Variants in FAM83E observed in about 807,000 individuals in gnomAD.
FAM83E encodes the protein protein FAM83E.
In FAM83E, 29 loss-of-function variants were observed where a neutral mutation model predicts 34.3. The observed-to-expected ratio is 0.85, with a 90% CI of 0.63 to 1.15. FAM83E has a LOEUF of 1.15. Among genes scored for constraint, FAM83E ranks in the 50% most tolerant of loss-of-function variants. The probability of loss-of-function intolerance (pLI) is 0.00; values close to 1 mark genes in which losing one functional copy is unlikely to be tolerated. For missense variants in FAM83E, 697 were observed against 685.0 expected, an observed-to-expected ratio of 1.02 and a Z score of -0.20; for synonymous variants, 312 against 311.6, an observed-to-expected ratio of 1.00 and a Z score of -0.01.
chr19:48,605,799 C>T (rs1224086417), intron 5 of FAM83E, among the ~76,000 whole-genome samples: 2 of 151,948 alleles, frequency 1.3e-5, no homozygotes, highest in African/African-American at 4.8e-5. Flanking sequence ...GATCCACCCG[C>T]CTCGGCCTCC....
chr19:48,611,837 G>A (rs190860777), intron 3 of FAM83E, among the ~76,000 whole-genome samples: 2 of 152,264 alleles, frequency 1.3e-5, no homozygotes, highest in Admixed American at 6.5e-5. Context: ...AAATGTCCAC[G>A]GCAGTTTGGC....
At chr19:48,607,494 C>T in intron 5 of FAM83E, 1 of 1,184,390 alleles carries the variant, frequency 8.4e-7, no homozygotes, top group Non-Finnish European at 1.2e-6. Flanking sequence ...AGGCTGTCCA[C>T]CAGGAGCCCG....
In FAM83E at chr19:48,610,721, C is replaced by T. The variant is rs1273728180; in HGVS notation, c.592G>A (p.Glu198Lys). ...LDRQQLPAFL[E>K]LAQQLGVNPW... ...TTCACCCCCAGCTGCTGGGCCAGTT[C>T]CAGGAAGGCAGGCAGCTGCTGGCGG... is the stretch of plus-strand genomic sequence containing the variant. The change falls in exon 4 of 7, where the codon GAA becomes AAA. Residue 198 changes from glutamate to lysine, a missense_variant. By Grantham distance (56) the Glu-to-Lys change is moderately conservative (BLOSUM62 1). Coordinates refer to ENST00000263266, the MANE Select transcript of FAM83E (RefSeq NM_017708.4). The T allele has an allele frequency of 3.2e-6, 5 of 1,584,548 alleles. No homozygotes were observed. In the African/African-American group the frequency reaches 6.7e-5, roughly 21 times the overall value.
In FAM83E at chr19:48,609,894, A is replaced by G; in HGVS notation, c.740T>C (p.Val247Ala). The change falls in exon 5 of 7, where the codon GTC becomes GCC. Residue 247 changes from valine (V) to alanine (A), a missense_variant. Physicochemically the swap from Val to Ala is moderately conservative, Grantham distance 64. Coordinates refer to ENST00000263266, the MANE Select transcript of FAM83E (RefSeq NM_017708.4). The stretch of plus-strand genomic sequence containing the variant: ...GCTACACCTGTAGGATCCTGAGATG[A>G]CCCTCTCGCCGTCCAGCAGCACAAA... ...EKFVLLDGER[V>A]ISGSYSFTWS... The G allele has an allele frequency of 6.2e-7, 1 of 1,612,466 alleles. No individual in the cohort carries two copies. The highest frequency in any genetic ancestry group is 8.5e-7 in the Non-Finnish European group (1 of 1,179,838).
intron 5 of FAM83E, among the ~76,000 whole-genome samples, chr19:48,608,752 C>T (rs1355473363): frequency 1.3e-5 from 2 of 151,318 alleles, no homozygotes; most frequent in Non-Finnish European, 2.9e-5. Flanking sequence ...AGCCCAAAAG[C>T]TGTGTTTTAA....
chr19:48,613,252 T>C lies in FAM83E; in HGVS notation c.121A>G (p.Lys41Glu), dbSNP rs997904731. ...QRLALEALLS[K>E]GAEAFQTCVQ... The stretch of plus-strand genomic sequence containing the variant: ...CAGGTCTGGAACGCCTCCGCGCCCT[T>C]GCTCAACAGAGCCTCCAGTGCCAGC... Residue 41 changes from lysine to glutamate, a missense_variant, in exon 3 of 7, where the codon AAG becomes GAG. Coordinates refer to ENST00000263266, the MANE Select transcript of FAM83E (RefSeq NM_017708.4). 3 of 1,610,256 alleles carry C rather than the reference T, an allele frequency of 1.9e-6. No homozygotes were observed. Among genetic ancestry groups the C allele is most frequent in the Non-Finnish European group, 2.5e-6 (3 of 1,179,866 alleles).
At chr19:48,607,539 G>A (rs538674024) in intron 5 of FAM83E, 51 of 763,604 alleles carry the variant, frequency 6.7e-5, no homozygotes, top group South Asian at 5.6e-4. Flanking sequence ...CTGACTGAGC[G>A]GCAGGGGAGC....
chr19:48,609,272 T>TTC (rs1568420593), intron 5 of FAM83E, among the ~76,000 whole-genome samples: 1 of 145,716 alleles, frequency 6.9e-6, no homozygotes, highest in East Asian at 2.0e-4. Context: ...TTTCTTTTTT[T>TTC]TTTTTTTTTT....
intron 5 of FAM83E, chr19:48,607,011 G>A (rs772957054): frequency 2.5e-6 from 4 of 1,610,102 alleles, no homozygotes; most frequent in Admixed American, 3.3e-5. Flanking sequence ...TTCTGGTGAT[G>A]GCTCTGCCCC....
At chr19:48,604,400 G>A (rs1181147038) in intron 5 of FAM83E, among the ~76,000 whole-genome samples, 1 of 144,480 alleles carries the variant, frequency 6.9e-6, no homozygotes, top group African/African-American at 2.6e-5. Context: ...GCATGATCTC[G>A]GCTCACTGCA....
At position 48,611,291 on chromosome 19, in the gene FAM83E, C is replaced by T. The variant is rs1240479513; in HGVS notation, c.466-444G>A. Among the ~76,000 whole-genome samples the T allele has an allele frequency of 4.0e-5, 6 of 151,894 alleles. No homozygotes were observed. In the East Asian group the frequency reaches 5.8e-4, roughly 15 times the overall value. On this transcript the variant is annotated intron_variant, in intron 3 of 6. Coordinates refer to ENST00000263266, the MANE Select transcript of FAM83E (RefSeq NM_017708.4). Reference sequence around the variant, plus strand: ...TCAAGCAATTCTCCTGCCTCAGCCTCCCAAGTAGCTGGGACTACAGGCGCC... The same window carrying T: ...TCAAGCAATTCTCCTGCCTCAGCCTTCCAAGTAGCTGGGACTACAGGCGCC...
chr19:48,609,975 C>T lies in FAM83E; in HGVS notation c.659G>A (p.Gly220Asp). The T allele has an allele frequency of 1.2e-6, 2 of 1,612,660 alleles. No homozygotes were observed. Among genetic ancestry groups the T allele is most frequent in the South Asian group, 1.1e-5 (1 of 91,066 alleles). ...TENVDVRVVR[G>D]CSFQSRWRRQ... ...TCGCCAGCGGCTCTGGAAGCTGCAG[C>T]CCCGCACGACACGGACATCCACGTT... is the stretch of plus-strand genomic sequence containing the variant. Residue 220 changes from glycine to aspartate, a missense_variant, in exon 5 of 7, where the codon GGC becomes GAC. Gly to Asp is a moderately conservative substitution (Grantham distance 94). Coordinates refer to ENST00000263266, the MANE Select transcript of FAM83E (RefSeq NM_017708.4).
In FAM83E at chr19:48,601,315, G is replaced by T; in HGVS notation, c.1231C>A (p.Arg411=). 1 of 1,568,612 alleles carries T rather than the reference G, an allele frequency of 6.4e-7. No homozygotes were observed. Among genetic ancestry groups the T allele is most frequent in the Non-Finnish European group, 8.6e-7 (1 of 1,156,282 alleles). ...CCCCAGGGGCCTCCTCCAGTGCCCC[G>T]CTGCCTCATCAGAGCCTTGGCTGGA... is the stretch of plus-strand genomic sequence containing the variant. The part of the protein sequence containing the change: ...DTPAKALMRQ[R]GTGGGPWGEV... The change falls in exon 7 of 7, where the codon CGG becomes AGG. Residue 411 remains arginine, a synonymous_variant. Transcript: ENST00000263266.
intron 5 of FAM83E, among the ~76,000 whole-genome samples, chr19:48,604,483 G>A (rs935983807): frequency 6.6e-6 from 1 of 151,062 alleles, no homozygotes; most frequent in Non-Finnish European, 1.5e-5. Context: ...GGCACCTGCC[G>A]CCATGCCCGG....
chr19:48,603,345 C>T (rs974385465), intron 6 of FAM83E, 149 bp downstream of exon 6: 19 of 720,488 alleles, frequency 2.6e-5, no homozygotes, highest in South Asian at 3.8e-5. Flanking sequence ...AATGAACAAA[C>T]GATGCCATTA....
intron 5 of FAM83E, among the ~76,000 whole-genome samples, chr19:48,604,392 A>G (rs958900613): frequency 1.5e-5 from 2 of 136,902 alleles, no homozygotes; most frequent in Non-Finnish European, 1.5e-5. Flanking sequence ...GTGTAGTGGC[A>G]TGATCTCGGC....
intron 5 of FAM83E, chr19:48,606,840 G>A (rs569862708): frequency 2.8e-6 from 3 of 1,085,694 alleles, no homozygotes; most frequent in Admixed American, 5.5e-5. Flanking sequence ...GACACTCCAG[G>A]CGCTGACCCT....
chr19:48,613,849 G>A lies in FAM83E; in HGVS notation c.-477C>T, dbSNP rs1232556645. On this transcript the variant is annotated 5_prime_UTR_variant, in exon 3 of 7. Coordinates refer to ENST00000263266, the MANE Select transcript of FAM83E (RefSeq NM_017708.4). ...CTGACCACTTGATCATTTCCAGGCGGCAAGCTGCCTGCCTGTCTCTAATCA... is the reference window on the plus strand; with the variant it reads ...CTGACCACTTGATCATTTCCAGGCGACAAGCTGCCTGCCTGTCTCTAATCA... 1.0e-6 allele frequency: 1 copy of A among 985,274 alleles called. No homozygotes were observed. The highest frequency in any genetic ancestry group is 6.1e-5 in the Admixed American group (1 of 16,270). 61.0% of individuals were successfully genotyped at this position (985,274 alleles called of 1,614,324 possible). A position where few individuals can be genotyped will look rare whatever the true frequency, so the allele number is the denominator to read the frequency against.
chr19:48,614,243 A>G lies in FAM83E; in HGVS notation c.-871T>C, dbSNP rs1601135251. The G allele has an allele frequency of 8.1e-6, 8 of 985,376 alleles. No homozygotes were observed. Among genetic ancestry groups the G allele is most frequent in the African/African-American group, 1.7e-5 (1 of 57,302 alleles). The allele number at this position is 985,376 out of a possible 1,614,324, so 61.0% of individuals were successfully genotyped here. ...GAAATGCGCTACAGGGGTCTCCATT[A>G]CTATGGGACAGGTCTATGATCTTCA... On this transcript the variant is annotated 5_prime_UTR_variant, in exon 3 of 7. Coordinates refer to ENST00000263266, the MANE Select transcript of FAM83E (RefSeq NM_017708.4).
Sources: allele counts gnomAD v4.1 joint callset (sites outside exome capture counted in the v4.1 genomes callset), GRCh38; gene constraint gnomAD v4.1.1; transcripts MANE v1.5; gene names NCBI Gene and HGNC (gene_info 2026-07-23, HGNC 2026-07-21).